The following SNX29 variants were observed in gnomAD, a reference collection of about 807,000 sequenced individuals.
The protein encoded by SNX29 is sorting nexin 29.
In SNX29, 78 loss-of-function variants were observed where a neutral mutation model predicts 102.1. The ratio of observed to expected loss-of-function variants is 0.76; its 90% confidence interval spans 0.64 to 0.92. The LOEUF (loss-of-function observed/expected upper bound fraction) is 0.92. Ranked by LOEUF, SNX29 falls within the 40% of genes least tolerant of loss-of-function variation. SNX29 has a pLI of 0.00. For missense variants in SNX29, 1,280 were observed against 1,061.7 expected, an observed-to-expected ratio of 1.21 and a Z score of -2.86; for synonymous variants, 580 against 414.5, an observed-to-expected ratio of 1.40 and a Z score of -4.85.
intron 4 of SNX29, among the ~76,000 whole-genome samples, chr16:12,040,615 G>C (rs1596666649): frequency 6.6e-6 from 1 of 152,174 alleles, no homozygotes; most frequent in South Asian, 2.1e-4. Flanking sequence ...ATGTATAGGG[G>C]TGTTCTTTAC....
chr16:12,278,077 G>A, intron 15 of SNX29, 41 bp downstream of exon 15: 7 of 1,538,742 alleles, frequency 4.5e-6, no homozygotes, highest in Non-Finnish European at 6.2e-6. Context: ...TTCTGATGTT[G>A]GCTGCGTTGG....
At chr16:12,452,530 C>T (rs757752554) in intron 18 of SNX29, among the ~76,000 whole-genome samples, 44 of 152,184 alleles carry the variant, frequency 2.9e-4, no homozygotes, top group Admixed American at 7.2e-4. Flanking sequence ...CTCATACAGC[C>T]TGGAGGCAGG....
chr16:12,374,568 T>G (rs186581571), intron 16 of SNX29: 1 of 152,418 alleles, frequency 6.6e-6, no homozygotes, highest in East Asian at 1.9e-4. Context: ...CCCCTTTTCC[T>G]TTTGGCCATG....
At chr16:12,071,159 A>T (rs1444198400) in intron 10 of SNX29, among the ~76,000 whole-genome samples, 1 of 150,884 alleles carries the variant, frequency 6.6e-6, no homozygotes, top group East Asian at 1.9e-4. Flanking sequence ...GCTGTGCAGA[A>T]GCTCTTTAGT....
intron 15 of SNX29, among the ~76,000 whole-genome samples, chr16:12,316,579 C>G (rs186662099): frequency 1.3e-5 from 2 of 152,280 alleles, no homozygotes; most frequent in Non-Finnish European, 2.9e-5. Context: ...TTACCCAAAT[C>G]GGGATCTTGC....
intron 18 of SNX29, among the ~76,000 whole-genome samples, chr16:12,464,388 C>T (rs934404266): frequency 1.3e-5 from 2 of 152,080 alleles, no homozygotes; most frequent in Non-Finnish European, 2.9e-5. Flanking sequence ...AGTGAATATG[C>T]GGGTCCACAT....
chr16:12,109,127 CAAAAAAAAAAAAAAAAA>C (rs71139575), intron 11 of SNX29, among the ~76,000 whole-genome samples: 1 of 33,314 alleles, frequency 3.0e-5, no homozygotes, highest in Non-Finnish European at 5.2e-5. Flanking sequence ...GGCGCTGTCT[CAAAAAAAAAAAAAAAAA>C]AAAAAAAAAA....
At chr16:12,139,192 CTAAAAAAA>C (rs2054774936) in intron 13 of SNX29, among the ~76,000 whole-genome samples, 1 of 53,964 alleles carries the variant, frequency 1.9e-5, no homozygotes, top group African/African-American at 1.2e-4. Flanking sequence ...GAGCGAGACT[CTAAAAAAA>C]AAAAAAAAAA....
At chr16:12,468,337 G>A (rs2087168260) in intron 18 of SNX29, among the ~76,000 whole-genome samples, 1 of 151,816 alleles carries the variant, frequency 6.6e-6, no homozygotes, top group African/African-American at 2.4e-5. Context: ...ACCATGCCCC[G>A]CTAATTTTTG....
intron 15 of SNX29, among the ~76,000 whole-genome samples, chr16:12,354,366 A>G (rs2082072827): frequency 6.6e-6 from 1 of 152,180 alleles, no homozygotes. Context: ...GAAATGAAAG[A>G]TTTGCCTGAT....
chr16:12,160,636 ATTGTTG>A (rs1003888498), intron 13 of SNX29, among the ~76,000 whole-genome samples: 1 of 152,230 alleles, frequency 6.6e-6, no homozygotes, highest in South Asian at 2.1e-4. Flanking sequence ...TCTTCATAGA[ATTGTTG>A]TTGTTGTTGT....
chr16:12,370,715 TA>T lies in SNX29; in HGVS notation c.1899+14437del, dbSNP rs558638263. The stretch of plus-strand genomic sequence containing the variant: ...CCTGAAATGAGTTTATATAATCTCC[TA>T]GTAAAAGTCAATGCTGTTTCGCTGT... On this transcript the variant is annotated intron_variant, in intron 16 of 20. Transcript: ENST00000566228. 3.3e-4 allele frequency among the ~76,000 whole-genome samples: 51 copies of T among 152,344 alleles called. 1 individual carries two copies. The East Asian group carries it at 6.4e-3, about 19-fold the overall frequency.
At chr16:12,215,292 G>A (rs1440926301) in intron 14 of SNX29, among the ~76,000 whole-genome samples, 2 of 147,224 alleles carry the variant, frequency 1.4e-5, no homozygotes, top group Non-Finnish European at 3.0e-5. Flanking sequence ...AAGGCCAGGA[G>A]TTTGAGACGC....
intron 19 of SNX29, among the ~76,000 whole-genome samples, chr16:12,514,761 A>T (rs2089788018): frequency 6.6e-6 from 1 of 152,108 alleles, no homozygotes; most frequent in African/African-American, 2.4e-5. Context: ...CCTACTCGGG[A>T]GGCTGAGGCA....
At chr16:12,200,873 C>T (rs1012280939) in intron 14 of SNX29, among the ~76,000 whole-genome samples, 1 of 152,134 alleles carries the variant, frequency 6.6e-6, no homozygotes, top group Non-Finnish European at 1.5e-5. Context: ...CTATACGTAC[C>T]AGGACATCAC....
intron 13 of SNX29, among the ~76,000 whole-genome samples, chr16:12,162,246 C>T (rs775120739): frequency 2.0e-5 from 3 of 152,150 alleles, no homozygotes; most frequent in South Asian, 2.1e-4. Flanking sequence ...TCAGCGCCTC[C>T]GAGGGGCCTC....
At chr16:12,507,089 C>T (rs946464018) in intron 19 of SNX29, among the ~76,000 whole-genome samples, 1 of 152,184 alleles carries the variant, frequency 6.6e-6, no homozygotes, top group Non-Finnish European at 1.5e-5. Context: ...GCTAAGTGCT[C>T]ACTTTGTGTT....
chr16:12,548,416 C>T (rs532193278), intron 20 of SNX29, among the ~76,000 whole-genome samples: 6 of 152,204 alleles, frequency 3.9e-5, no homozygotes, highest in Non-Finnish European at 7.3e-5. Context: ...CTACCTCTGG[C>T]TCCCCACTGT....
At chr16:12,291,584 A>G (rs1417140061) in intron 15 of SNX29, among the ~76,000 whole-genome samples, 3 of 152,168 alleles carry the variant, frequency 2.0e-5, no homozygotes, top group African/African-American at 7.2e-5. Flanking sequence ...CTGGGCACAT[A>G]GTTTTTCTTC....
Sources: allele counts gnomAD v4.1 joint callset (sites outside exome capture counted in the v4.1 genomes callset), GRCh38; gene constraint gnomAD v4.1.1; transcripts MANE v1.5; gene names NCBI Gene and HGNC (gene_info 2026-07-23, HGNC 2026-07-21).